Variants in SLC26A5 observed in about 807,000 individuals in gnomAD.
The protein encoded by SLC26A5 is solute carrier family 26 member 5.
SLC26A5 carries 51 observed loss-of-function variants against 81.0 expected under a neutral mutation model. The observed-to-expected ratio is 0.63, with a 90% CI of 0.50 to 0.80. SLC26A5 has a LOEUF of 0.80. SLC26A5 is among the 30% of genes least tolerant of loss of function. The pLI is 0.00. For missense variants in SLC26A5, 771 were observed against 905.8 expected (o/e 0.85, Z 1.91); for synonymous variants, 325 against 332.8 (o/e 0.98, Z 0.25).
chr7:103,445,311 C>A (rs992429987), intron 1 of SLC26A5: 12 of 152,090 alleles, frequency 7.9e-5, no homozygotes, highest in Non-Finnish European at 8.8e-5. Context: ...GGGGCCCGGC[C>A]CAGGTGCGCA....
intron 8 of SLC26A5, among the ~76,000 whole-genome samples, chr7:103,398,831 G>A (rs1477662786): frequency 6.6e-6 from 1 of 152,094 alleles, no homozygotes; most frequent in Non-Finnish European, 1.5e-5. Flanking sequence ...ATCAGAAACA[G>A]CAGCCTGGGA....
At chr7:103,412,595 G>A (rs1472625602) in intron 5 of SLC26A5, among the ~76,000 whole-genome samples, 1 of 145,328 alleles carries the variant, frequency 6.9e-6, no homozygotes, top group Non-Finnish European at 1.5e-5. Context: ...TGTTGCCCAG[G>A]TTGGAGTGCA....
intron 1 of SLC26A5, among the ~76,000 whole-genome samples, chr7:103,444,951 G>T (rs1045593112): frequency 6.6e-6 from 1 of 152,166 alleles, no homozygotes; most frequent in Non-Finnish European, 1.5e-5. Context: ...TTTTCAAAAA[G>T]GTTGATACTT....
chr7:103,387,745 G>C (rs1329976157), intron 14 of SLC26A5, among the ~76,000 whole-genome samples: 1 of 152,044 alleles, frequency 6.6e-6, no homozygotes, highest in South Asian at 2.1e-4. Context: ...GCAATGGCAC[G>C]ACCTCGGCTC....
downstream of SLC26A5, among the ~76,000 whole-genome samples, chr7:103,370,361 T>C (rs1820958961): frequency 6.6e-6 from 1 of 151,560 alleles, no homozygotes; most frequent in African/African-American, 2.4e-5. Context: ...CTTCCCTCCC[T>C]CATCCCCACA....
intron 19 of SLC26A5, chr7:103,362,230 T>A: frequency 6.9e-7 from 1 of 1,449,752 alleles, no homozygotes; most frequent in Non-Finnish European, 9.0e-7. Flanking sequence ...TAGTTGAAAA[T>A]TCTGTCTTCT....
In SLC26A5 at chr7:103,417,562, C is replaced by T. The variant is rs143103880; in HGVS notation, c.292+3176G>A. Reference sequence around the variant, plus strand: ...CATTCCACATTCTTTCCCTAGGTGCCGTGGTCTATTGCCATGGTTTAAATG... The same window carrying T: ...CATTCCACATTCTTTCCCTAGGTGCTGTGGTCTATTGCCATGGTTTAAATG... On this transcript the variant is annotated intron_variant, in intron 4 of 19. Transcript: ENST00000306312. Among the ~76,000 whole-genome samples the T allele has an allele frequency of 2.6e-5, 4 of 151,930 alleles. No homozygotes were observed. The East Asian group carries it at 5.8e-4, about 22-fold the overall frequency.
intron 19 of SLC26A5, chr7:103,366,260 C>A: frequency 1.9e-6 from 2 of 1,068,682 alleles, no homozygotes; most frequent in Non-Finnish European, 2.8e-6. Flanking sequence ...AGAATTTTAA[C>A]TCCAACTCTT....
At chr7:103,357,677 G>A (rs1389766118) in intron 19 of SLC26A5, among the ~76,000 whole-genome samples, 9 of 152,164 alleles carry the variant, frequency 5.9e-5, no homozygotes, top group Non-Finnish European at 1.3e-4. Context: ...TTATGGCTAT[G>A]TAAACACTAT....
chr7:103,442,206 A>C (rs1826933627), intron 2 of SLC26A5, among the ~76,000 whole-genome samples: 1 of 151,966 alleles, frequency 6.6e-6, no homozygotes, highest in South Asian at 2.1e-4. Context: ...TAGTGGCGCA[A>C]TCTCGGCTCA....
intron 19 of SLC26A5, among the ~76,000 whole-genome samples, chr7:103,375,226 C>A (rs1168642515): frequency 6.6e-6 from 1 of 151,118 alleles, no homozygotes; most frequent in African/African-American, 2.4e-5. Context: ...TTTACCACTA[C>A]ATCGTATTCT....
rs1313325122 is a variant in SLC26A5, at chr7:103,436,281, CAA to C, written c.-54+6800_-54+6801del. 2.0e-5 allele frequency among the ~76,000 whole-genome samples: 3 copies of C among 152,032 alleles called. No individual in the cohort carries two copies. The East Asian group carries it at 5.8e-4, about 29-fold the overall frequency. On this transcript the variant is annotated intron_variant, in intron 2 of 19. Coordinates refer to ENST00000306312, the MANE Select transcript of SLC26A5 (RefSeq NM_198999.3). The stretch of plus-strand genomic sequence containing the variant: ...ACCCTTGGCATTTGAGACGAAAGCG[CAA>C]GTTAGGTCCAGAGACCCCTGAGAAT...
At chr7:103,376,434 C>A (rs1173845788) in intron 19 of SLC26A5, among the ~76,000 whole-genome samples, 1 of 152,086 alleles carries the variant, frequency 6.6e-6, no homozygotes, top group East Asian at 1.9e-4. Context: ...AAAGTATTCC[C>A]AAATGATTGG....
Position 103,377,775 on chromosome 7 carries a change from C to G in SLC26A5, c.1810G>C (p.Ala604Pro). Residue 604 changes from alanine (A) to proline (P), a missense_variant, in exon 18 of 20, where the codon GCT (alanine) becomes CCT (proline). Ala to Pro is a conservative substitution (Grantham distance 27). Coordinates refer to ENST00000306312, the MANE Select transcript of SLC26A5 (RefSeq NM_198999.3). ...KADAEVDGEDATKPEEEDGEV... is the reference protein window; with the variant it reads ...KADAEVDGEDPTKPEEEDGEV... ...CCATCCTCTTCTTCAGGCTTGGTAGCATCCTCTCCATCTACTTCTGCATCC... is the reference window on the plus strand; with the variant it reads ...CCATCCTCTTCTTCAGGCTTGGTAGGATCCTCTCCATCTACTTCTGCATCC... 1 of 1,613,998 alleles carries G rather than the reference C, an allele frequency of 6.2e-7. No individual in the cohort carries two copies. Among genetic ancestry groups the G allele is most frequent in the East Asian group, 2.2e-5 (1 of 44,872 alleles).
chr7:103,370,532 G>T (rs2116297485), downstream of SLC26A5, among the ~76,000 whole-genome samples: 1 of 152,226 alleles, frequency 6.6e-6, no homozygotes, highest in African/African-American at 2.4e-5. Flanking sequence ...GTCTTTCTCT[G>T]CTAAACAGGT....
intron 8 of SLC26A5, among the ~76,000 whole-genome samples, chr7:103,406,398 A>G (rs528806104): frequency 1.6e-4 from 25 of 152,280 alleles, no homozygotes; most frequent in Admixed American, 1.6e-3. Context: ...TGTTCCTCAC[A>G]GCACAGTACC....
rs1343203945 is a variant in SLC26A5, at chr7:103,408,146, T to C, written c.736-143A>G. On this transcript the variant is annotated intron_variant, in intron 7 of 19. Coordinates refer to ENST00000306312, the MANE Select transcript of SLC26A5 (RefSeq NM_198999.3). ...GTTCCAAGGCTGAAATCTCTCTTTG[T>C]AGCTTCTACCAATTAGGAGGCATTT... The C allele has an allele frequency of 2.0e-5, 22 of 1,090,744 alleles. No individual in the cohort carries two copies. In the East Asian group the frequency reaches 5.6e-4, roughly 28 times the overall value. The allele number at this position is 1,090,744 out of a possible 1,614,324, so 67.6% of individuals were successfully genotyped here. A position where few individuals can be genotyped will look rare whatever the true frequency, so the allele number is the denominator to read the frequency against.
chr7:103,368,206 G>T, intron 19 of SLC26A5: 1 of 717,372 alleles, frequency 1.4e-6, no homozygotes, highest in Non-Finnish European at 2.1e-6. Context: ...GATTTCTAAT[G>T]TTATTAGGCA....
intron 4 of SLC26A5, among the ~76,000 whole-genome samples, chr7:103,418,144 A>C (rs1825068745): frequency 2.0e-5 from 3 of 152,058 alleles, no homozygotes; most frequent in Non-Finnish European, 4.4e-5. Flanking sequence ...CCATCCCCAC[A>C]CATCCAACCC....
Sources: gnomAD v4.1 joint callset for allele counts (sites outside exome capture counted in the v4.1 genomes callset) on GRCh38, gnomAD v4.1.1 for gene constraint, MANE v1.5 for transcripts, NCBI Gene and HGNC (gene_info 2026-07-23, HGNC 2026-07-21) for gene names.